Variants in RNF180 observed in about 807,000 individuals in gnomAD.
RNF180 encodes ring finger protein 180.
RNF180 carries 38 observed loss-of-function variants against 59.2 expected under a neutral mutation model. That is an observed-to-expected ratio of 0.64 (90% confidence interval 0.50 to 0.84). The LOEUF is 0.84. Among genes scored for constraint, RNF180 ranks in the 40% least tolerant of loss-of-function variants. The pLI, the probability that RNF180 is intolerant of heterozygous loss-of-function variation, is 0.00. For missense variants in RNF180, 705 were observed against 700.9 expected (o/e 1.01, Z -0.07); for synonymous variants, 262 against 240.3 (o/e 1.09, Z -0.84).
chr5:64,200,095 A>G (rs1413650250), intron 1 of RNF180, among the ~76,000 whole-genome samples: 2 of 152,144 alleles, frequency 1.3e-5, no homozygotes, highest in Non-Finnish European at 2.9e-5. Context: ...TATTCAAAAC[A>G]TGCTACTTAT....
chr5:64,367,499 T>G (rs1039472765), intron 7 of RNF180, among the ~76,000 whole-genome samples: 1 of 151,728 alleles, frequency 6.6e-6, no homozygotes, highest in Non-Finnish European at 1.5e-5. Flanking sequence ...GCTCTACAAA[T>G]TCTGTTTAAA....
At chr5:64,227,700 C>A (rs1741852655) in intron 5 of RNF180, among the ~76,000 whole-genome samples, 1 of 152,188 alleles carries the variant, frequency 6.6e-6, no homozygotes, top group African/African-American at 2.4e-5. Flanking sequence ...TAACTTAATT[C>A]TGCCTTATCT....
chr5:64,183,374 A>G (rs1750708587), intron 1 of RNF180, among the ~76,000 whole-genome samples: 1 of 148,542 alleles, frequency 6.7e-6, no homozygotes. Flanking sequence ...TGGAAATTTT[A>G]GTTTCAAATA....
At chr5:64,361,470 G>A (rs1746250353) in intron 7 of RNF180, among the ~76,000 whole-genome samples, 1 of 151,572 alleles carries the variant, frequency 6.6e-6, no homozygotes, top group Non-Finnish European at 1.5e-5. Context: ...TGAATAATGA[G>A]TATGTGGAAT....
intron 7 of RNF180, among the ~76,000 whole-genome samples, chr5:64,361,371 A>G (rs1199543760): frequency 6.6e-6 from 1 of 151,570 alleles, no homozygotes; most frequent in Admixed American, 6.6e-5. Context: ...ACAGTAGAAA[A>G]ATTCACAAGT....
chr5:64,248,052 C>T (rs1743302254), intron 5 of RNF180, among the ~76,000 whole-genome samples: 2 of 152,120 alleles, frequency 1.3e-5, no homozygotes, highest in South Asian at 4.1e-4. Flanking sequence ...ACTAGCTAGC[C>T]ATACGCAGAA....
At chr5:64,343,562 T>A (rs1305381267) in intron 7 of RNF180, among the ~76,000 whole-genome samples, 1 of 151,738 alleles carries the variant, frequency 6.6e-6, no homozygotes, top group African/African-American at 2.4e-5. Flanking sequence ...AGACATCATC[T>A]AGAGCAGCCA....
intron 5 of RNF180, among the ~76,000 whole-genome samples, chr5:64,231,923 T>C (rs1300303141): frequency 6.6e-6 from 1 of 152,154 alleles, no homozygotes; most frequent in Non-Finnish European, 1.5e-5. Context: ...TATAGGAAAA[T>C]GTTCCTTTAT....
rs1278382560 is a variant in RNF180 at position 64,370,914 on chromosome 5, A to G, written c.*1100A>G. ...TCCAGTATTACTACACTATGATGTC[A>G]TATATCTGGTAATTCAATAAGCAAA... On this transcript the variant is annotated 3_prime_UTR_variant, in exon 8 of 8. Transcript: ENST00000389100. 6.6e-6 allele frequency: 1 copy of G among 151,688 alleles called. No homozygotes were observed. The highest frequency in any genetic ancestry group is 1.5e-5 in the Non-Finnish European group (1 of 67,736). The allele number at this position is 151,688 out of a possible 1,614,324, so 9.4% of individuals were successfully genotyped here. A position where few individuals can be genotyped will look rare whatever the true frequency, so the allele number is the denominator to read the frequency against.
chr5:64,233,468 GAAAC>G (rs1416542723), intron 5 of RNF180, among the ~76,000 whole-genome samples: 1 of 152,150 alleles, frequency 6.6e-6, no homozygotes, highest in African/African-American at 2.4e-5. Flanking sequence ...TTACCATTGA[GAAAC>G]ATAATTACAA....
intron 5 of RNF180, among the ~76,000 whole-genome samples, chr5:64,321,973 G>A (rs1328659804): frequency 1.3e-5 from 2 of 152,074 alleles, no homozygotes; most frequent in African/African-American, 2.4e-5. Flanking sequence ...AAAACAAACT[G>A]GACTCCTTCC....
chr5:64,182,521 A>G (rs1455489249), intron 1 of RNF180, among the ~76,000 whole-genome samples: 1 of 152,224 alleles, frequency 6.6e-6, no homozygotes, highest in Non-Finnish European at 1.5e-5. Flanking sequence ...GAATGAGAAG[A>G]CAGAAGAAAT....
rs1329581665 is a variant in RNF180, at chr5:64,371,205, A to G, written c.*1391A>G. The G allele has an allele frequency of 6.6e-6, 1 of 151,664 alleles. No homozygotes were observed. Among genetic ancestry groups the G allele is most frequent in the African/African-American group, 2.4e-5 (1 of 41,398 alleles). 9.4% of individuals were successfully genotyped at this position (151,664 alleles called of 1,614,324 possible). A position where few individuals can be genotyped will look rare whatever the true frequency, so the allele number is the denominator to read the frequency against. On this transcript the variant is annotated 3_prime_UTR_variant, in exon 8 of 8. Coordinates refer to ENST00000389100, the MANE Select transcript of RNF180 (RefSeq NM_001113561.2). ...TCTATTACAGAAAATAGTATACACTAGACATCAAATCCAGAAATCAGAACA... is the reference window on the plus strand; with the variant it reads ...TCTATTACAGAAAATAGTATACACTGGACATCAAATCCAGAAATCAGAACA...
chr5:64,314,777 C>T (rs1039943163), intron 5 of RNF180, among the ~76,000 whole-genome samples: 28 of 152,266 alleles, frequency 1.8e-4, no homozygotes, highest in East Asian at 1.5e-3. Flanking sequence ...CTCATATCTG[C>T]TTCTGCATGC....
chr5:64,176,541 T>G (rs1750247100), intron 1 of RNF180, among the ~76,000 whole-genome samples: 1 of 152,180 alleles, frequency 6.6e-6, no homozygotes, highest in African/African-American at 2.4e-5. Context: ...CTTTCTTAGA[T>G]TTTTAGAAAA....
chr5:64,346,247 A>G (rs2112572545), intron 7 of RNF180, among the ~76,000 whole-genome samples: 1 of 151,866 alleles, frequency 6.6e-6, no homozygotes, highest in South Asian at 2.1e-4. Flanking sequence ...TGGCAGATGG[A>G]AAAAAAATAT....
chr5:64,288,174 TTTG>T (rs1742387556), intron 5 of RNF180, among the ~76,000 whole-genome samples: 1 of 152,132 alleles, frequency 6.6e-6, no homozygotes, highest in African/African-American at 2.4e-5. Context: ...TTCCCCATTG[TTTG>T]TTTTTGTCAG....
At chr5:64,328,629 G>A (rs1744760548) in intron 6 of RNF180, among the ~76,000 whole-genome samples, 1 of 152,152 alleles carries the variant, frequency 6.6e-6, no homozygotes, top group South Asian at 2.1e-4. Context: ...AGTTAGAGTT[G>A]CAGGTTTAAT....
At chr5:64,294,030 TACTTC>T (rs1742746582) in intron 5 of RNF180, among the ~76,000 whole-genome samples, 1 of 152,216 alleles carries the variant, frequency 6.6e-6, no homozygotes, top group African/African-American at 2.4e-5. Context: ...TGGGCCTACA[TACTTC>T]AAAATGACCT....
Sources: gnomAD v4.1 joint callset for allele counts (sites outside exome capture counted in the v4.1 genomes callset) on GRCh38, gnomAD v4.1.1 for gene constraint, MANE v1.5 for transcripts, NCBI Gene and HGNC (gene_info 2026-07-23, HGNC 2026-07-21) for gene names.